PRLR: variants seen among roughly 807,000 people sequenced by gnomAD.
PRLR encodes the protein hPRL receptor.
PRLR carries 13 observed loss-of-function variants against 40.2 expected under a neutral mutation model. The ratio of observed to expected loss-of-function variants is 0.32; its 90% CI spans 0.21 to 0.51. The LOEUF is 0.51. PRLR is among the 20% of genes least tolerant of loss of function. PRLR has a pLI of 0.97. For synonymous variants in PRLR, 269 were observed against 278.7 expected, an observed-to-expected ratio of 0.97 and a Z score of 0.35; for missense variants, 656 against 747.3, an observed-to-expected ratio of 0.88 and a Z score of 1.42.
At chr5:35,112,993 C>T (rs1276141721) in intron 2 of PRLR, among the ~76,000 whole-genome samples, 4 of 152,148 alleles carry the variant, frequency 2.6e-5, no homozygotes, top group South Asian at 2.1e-4. Flanking sequence ...AGGGAAACCA[C>T]GATCCAGCTC....
At chr5:35,145,520 C>T (rs1180251164) in intron 1 of PRLR, among the ~76,000 whole-genome samples, 1 of 152,128 alleles carries the variant, frequency 6.6e-6, no homozygotes, top group African/African-American at 2.4e-5. Context: ...TGTGGTATGC[C>T]ATACATTAGA....
At chr5:35,136,451 G>A (rs906772166) in intron 1 of PRLR, among the ~76,000 whole-genome samples, 21 of 152,292 alleles carry the variant, frequency 1.4e-4, no homozygotes, top group Non-Finnish European at 2.4e-4. Flanking sequence ...CTCACCAGAT[G>A]CCAGTAGCAA....
chr5:35,146,032 C>T (rs930191139), intron 1 of PRLR, among the ~76,000 whole-genome samples: 1 of 152,156 alleles, frequency 6.6e-6, no homozygotes, highest in African/African-American at 2.4e-5. Flanking sequence ...AACTGGTTGA[C>T]AAAGAACCTC....
At chr5:35,167,542 TGTA>T (rs1181805166) in intron 1 of PRLR, among the ~76,000 whole-genome samples, 1 of 152,028 alleles carries the variant, frequency 6.6e-6, no homozygotes, top group African/African-American at 2.4e-5. Context: ...CATGGAAGTA[TGTA>T]ATGTGGGAAA....
intron 1 of PRLR, among the ~76,000 whole-genome samples, chr5:35,123,366 T>G (rs1461463778): frequency 6.6e-6 from 1 of 152,214 alleles, no homozygotes; most frequent in Non-Finnish European, 1.5e-5. Context: ...GAACCAAGCT[T>G]CTTAATAGGG....
rs1561252466 is a variant in PRLR at position 35,060,296 on chromosome 5, G to A, written c.*4793C>T. The A allele has an allele frequency of 6.6e-6, 1 of 152,162 alleles. No homozygotes were observed. The highest frequency in any genetic ancestry group is 1.5e-5 in the Non-Finnish European group (1 of 68,034). The allele number at this position is 152,162 out of a possible 1,614,324, so 9.4% of individuals were successfully genotyped here. ...TAGGAAAATAGTAGGCTCTGGAGAA[G>A]GAGTAAAAACCCTACAAATATGTAA... On this transcript the variant is annotated 3_prime_UTR_variant, in exon 10 of 10. Transcript: ENST00000618457.
At chr5:35,225,704 C>G (rs549613583) in intron 1 of PRLR, among the ~76,000 whole-genome samples, 3 of 152,122 alleles carry the variant, frequency 2.0e-5, no homozygotes, top group African/African-American at 7.2e-5. Context: ...TTGTTTGAGA[C>G]GGAGTCTCAC....
chr5:35,153,713 ATT>A (rs1488887099), intron 1 of PRLR, among the ~76,000 whole-genome samples: 1 of 124,502 alleles, frequency 8.0e-6, no homozygotes, highest in Non-Finnish European at 1.6e-5. Flanking sequence ...GTTCCCCACC[ATT>A]GTACACACAC....
chr5:35,071,691 A>T (rs992737635), intron 6 of PRLR, among the ~76,000 whole-genome samples: 8 of 151,840 alleles, frequency 5.3e-5, no homozygotes. Context: ...TCTGCCTCCC[A>T]GGTTTAAGCA....
At chr5:35,080,361 C>T (rs1770424705) in intron 5 of PRLR, among the ~76,000 whole-genome samples, 1 of 152,090 alleles carries the variant, frequency 6.6e-6, no homozygotes, top group African/African-American at 2.4e-5. Context: ...TCAAACAACC[C>T]CATCAAAAAG....
chr5:35,157,098 G>C (rs1447883020), intron 1 of PRLR, among the ~76,000 whole-genome samples: 2 of 152,018 alleles, frequency 1.3e-5, no homozygotes, highest in Non-Finnish European at 2.9e-5. Context: ...AAAGAGTGTA[G>C]TCACAAGACT....
At chr5:35,095,546 T>C (rs1771479951) in intron 2 of PRLR, among the ~76,000 whole-genome samples, 1 of 152,182 alleles carries the variant, frequency 6.6e-6, no homozygotes, top group Non-Finnish European at 1.5e-5. Context: ...GGTGGGGAGA[T>C]GAAAGTTCCA....
intron 6 of PRLR, among the ~76,000 whole-genome samples, chr5:35,070,807 C>T (rs769827855): frequency 3.0e-4 from 41 of 137,746 alleles, no homozygotes; most frequent in Admixed American, 7.0e-4. Context: ...CGTGCCATTG[C>T]ACTCCAGCTG....
chr5:35,118,282 T>A (rs1773143248), intron 1 of PRLR, among the ~76,000 whole-genome samples, 160 bp from the exon 2 acceptor site: 1 of 151,792 alleles, frequency 6.6e-6, no homozygotes, highest in African/African-American at 2.4e-5. Context: ...CAGCTTTATT[T>A]TGAAGTAATT....
At chr5:35,201,589 TTC>T (rs1775883860) in intron 1 of PRLR, among the ~76,000 whole-genome samples, 1 of 152,212 alleles carries the variant, frequency 6.6e-6, no homozygotes, top group South Asian at 2.1e-4. Context: ...CACATCATAA[TTC>T]TCTTAGATTT....
Position 35,091,975 on chromosome 5 carries a change from G to A in PRLR, c.-43-2312C>T, listed in dbSNP as rs146067728. ...GCTATAAATCAGACCTTCCTGGTGAGGTTGGGTGCTATCTAGAGAGCTTTG... is the reference window on the plus strand; with the variant it reads ...GCTATAAATCAGACCTTCCTGGTGAAGTTGGGTGCTATCTAGAGAGCTTTG... On this transcript the variant is annotated intron_variant, in intron 2 of 9. Coordinates refer to ENST00000618457, the MANE Select transcript of PRLR (RefSeq NM_000949.7). 3.3e-5 allele frequency among the ~76,000 whole-genome samples: 5 copies of A among 152,290 alleles called. No homozygotes were observed. In the East Asian group the frequency reaches 9.7e-4, roughly 29 times the overall value.
At chr5:35,158,934 T>C (rs2111896581) in intron 1 of PRLR, among the ~76,000 whole-genome samples, 1 of 152,336 alleles carries the variant, frequency 6.6e-6, no homozygotes, top group East Asian at 1.9e-4. Context: ...TGAAGATCAA[T>C]CCAGTGAGTT....
At chr5:35,089,224 C>G (rs1045040833) in intron 3 of PRLR, among the ~76,000 whole-genome samples, 3 of 152,218 alleles carry the variant, frequency 2.0e-5, no homozygotes, top group Non-Finnish European at 4.4e-5. Flanking sequence ...TTTGGAAACC[C>G]AGAGAGTTAG....
intron 1 of PRLR, among the ~76,000 whole-genome samples, chr5:35,157,380 G>A (rs575373478): frequency 1.3e-5 from 2 of 152,242 alleles, no homozygotes; most frequent in Admixed American, 6.5e-5. Flanking sequence ...ACTTCAAGGG[G>A]GCTGAGGTAT....
Sources: allele counts gnomAD v4.1 joint callset (sites outside exome capture counted in the v4.1 genomes callset), GRCh38; gene constraint gnomAD v4.1.1; transcripts MANE v1.5; gene names NCBI Gene and HGNC (gene_info 2026-07-23, HGNC 2026-07-21).